The following ADK variants were observed in gnomAD, a reference collection of about 807,000 sequenced individuals.
ADK encodes N6,N6-dimethyladenosine kinase.
Under a neutral mutation model 44.7 loss-of-function variants are expected in ADK, and 24 were observed. That is an observed-to-expected ratio of 0.54 (90% CI 0.39 to 0.76). The LOEUF is 0.76. Ranked by LOEUF, ADK falls within the 30% of genes least tolerant of loss-of-function variation. ADK has a pLI of 0.00. For missense variants in ADK, 321 were observed against 425.1 expected, an observed-to-expected ratio of 0.76 and a Z score of 2.15; for synonymous variants, 128 against 142.6, an observed-to-expected ratio of 0.90 and a Z score of 0.73.
chr10:74,536,710 A>G (rs748372104), intron 7 of ADK, among the ~76,000 whole-genome samples: 6 of 151,924 alleles, frequency 3.9e-5, no homozygotes, highest in East Asian at 1.9e-4. Context: ...TTTACTGTCT[A>G]TCTATGAATT....
chr10:74,536,530 AGT>A (rs1365483702), intron 7 of ADK, among the ~76,000 whole-genome samples: 1 of 151,696 alleles, frequency 6.6e-6, no homozygotes, highest in East Asian at 1.9e-4. Flanking sequence ...ACTATTTTTA[AGT>A]GTACAAATCA....
chr10:74,681,675 C>T (rs1855605083), intron 10 of ADK, among the ~76,000 whole-genome samples: 1 of 151,800 alleles, frequency 6.6e-6, no homozygotes, highest in South Asian at 2.1e-4. Context: ...ATGGTGAAAC[C>T]CCGCCTCTAC....
chr10:74,577,783 G>A (rs1427403153), intron 7 of ADK, among the ~76,000 whole-genome samples: 2 of 151,966 alleles, frequency 1.3e-5, no homozygotes, highest in Non-Finnish European at 2.9e-5. Flanking sequence ...TAGACCTTTT[G>A]TGATATGTTC....
At chr10:74,438,926 C>T (rs550923380) in intron 6 of ADK, among the ~76,000 whole-genome samples, 2 of 152,254 alleles carry the variant, frequency 1.3e-5, no homozygotes, top group South Asian at 4.1e-4. Context: ...CTATTTTTTA[C>T]GTTAGACTAC....
intron 6 of ADK, chr10:74,423,361 T>C (rs1422785206): frequency 6.3e-6 from 1 of 158,360 alleles, no homozygotes; most frequent in African/African-American, 2.4e-5. Flanking sequence ...TGAGTGTGAT[T>C]AGTTAGAATG....
intron 6 of ADK, among the ~76,000 whole-genome samples, chr10:74,474,504 TCCTTC>T (rs1306075492): frequency 4.0e-5 from 6 of 151,708 alleles, no homozygotes; most frequent in Admixed American, 6.6e-5. Context: ...TCCTCTCCTT[TCCTTC>T]CCTTCCCTTC....
intron 3 of ADK, among the ~76,000 whole-genome samples, chr10:74,265,929 A>G (rs1199614981): frequency 1.3e-5 from 2 of 152,140 alleles, no homozygotes; most frequent in Admixed American, 6.6e-5. Context: ...AGTGCTTGTG[A>G]TGATAATATA....
rs527824609 is a variant in ADK, at chr10:74,482,455, A to G, written c.556-42801A>G. 7.9e-5 allele frequency among the ~76,000 whole-genome samples: 12 copies of G among 152,314 alleles called. No individual in the cohort carries two copies. The East Asian group carries it at 2.1e-3, about 27-fold the overall frequency. On this transcript the variant is annotated intron_variant, in intron 6 of 10. Coordinates refer to ENST00000539909, the MANE Select transcript of ADK (RefSeq NM_006721.4). ...TTTGACATGCAGCTTGGGTGGGGAC[A>G]CAGAACTAAACCATATCATTCTGCC...
chr10:74,414,501 C>T lies in ADK; in HGVS notation c.555+15922C>T, dbSNP rs144158583. ...CTGTAATCCCAGCATTTTGGGAGGC[C>T]GAGGTGGGCAGATCACTTGAGGTCA... On this transcript the variant is annotated intron_variant, in intron 6 of 10. Coordinates refer to ENST00000539909, the MANE Select transcript of ADK (RefSeq NM_006721.4). 6.5e-3 allele frequency among the ~76,000 whole-genome samples: 989 copies of T among 152,002 alleles called. 7 individuals carry two copies. Among genetic ancestry groups the T allele is most frequent in the Middle Eastern group, 0.031 (9 of 294 alleles).
intron 6 of ADK, among the ~76,000 whole-genome samples, chr10:74,424,411 G>A (rs936065260): frequency 1.3e-5 from 2 of 151,634 alleles, no homozygotes; most frequent in Non-Finnish European, 2.9e-5. Flanking sequence ...GCACATGCCT[G>A]TAATCCCAGC....
chr10:74,552,611 T>C (rs1314409986), intron 7 of ADK, among the ~76,000 whole-genome samples: 1 of 151,594 alleles, frequency 6.6e-6, no homozygotes, highest in East Asian at 1.9e-4. Context: ...AATAAAGCTT[T>C]TTTTTTTTTT....
intron 6 of ADK, among the ~76,000 whole-genome samples, chr10:74,473,322 T>C (rs941365438): frequency 2.0e-5 from 3 of 152,212 alleles, no homozygotes; most frequent in African/African-American, 7.2e-5. Flanking sequence ...CCATGTACTC[T>C]TCACCTAGCT....
intron 4 of ADK, among the ~76,000 whole-genome samples, chr10:74,348,324 C>CA (rs1400398634): frequency 6.6e-6 from 1 of 152,122 alleles, no homozygotes; most frequent in Non-Finnish European, 1.5e-5. Context: ...CAAACTGCAG[C>CA]AGACCTGCAG....
chr10:74,630,050 G>C (rs1853354234), intron 9 of ADK, among the ~76,000 whole-genome samples: 1 of 152,000 alleles, frequency 6.6e-6, no homozygotes, highest in Non-Finnish European at 1.5e-5. Context: ...GTTCTTCATA[G>C]CATTGGTCTT....
At chr10:74,664,406 G>C (rs1854872139) in intron 9 of ADK, among the ~76,000 whole-genome samples, 1 of 152,166 alleles carries the variant, frequency 6.6e-6, no homozygotes, top group African/African-American at 2.4e-5. Flanking sequence ...ACCAGATTGG[G>C]AAGTAGAAGG....
chr10:74,425,468 T>C (rs962721998), intron 6 of ADK, among the ~76,000 whole-genome samples: 4 of 151,840 alleles, frequency 2.6e-5, no homozygotes, highest in African/African-American at 7.3e-5. Context: ...CCCTAAACCT[T>C]GGGTTCAGTA....
At chr10:74,399,047 A>G (rs534597647) in intron 6 of ADK, among the ~76,000 whole-genome samples, 1 of 152,076 alleles carries the variant, frequency 6.6e-6, no homozygotes, top group Admixed American at 6.5e-5. Context: ...TATTTCAGAA[A>G]CATTGATCGT....
intron 9 of ADK, among the ~76,000 whole-genome samples, chr10:74,667,944 G>A (rs1366367038): frequency 1.3e-5 from 2 of 152,200 alleles, no homozygotes; most frequent in Non-Finnish European, 2.9e-5. Flanking sequence ...GTTTTCAAAC[G>A]AGGAGCTCAA....
At chr10:74,372,252 C>G in intron 4 of ADK, 1 of 762,830 alleles carries the variant, frequency 1.3e-6, no homozygotes, top group Non-Finnish European at 2.4e-6. Flanking sequence ...AACTGCTACT[C>G]AGCCTGAGGT....
Sources: allele counts gnomAD v4.1 joint callset (sites outside exome capture counted in the v4.1 genomes callset), GRCh38; gene constraint gnomAD v4.1.1; transcripts MANE v1.5; gene names NCBI Gene and HGNC (gene_info 2026-07-23, HGNC 2026-07-21).